Variants in WDFY4 observed in about 807,000 individuals in gnomAD.
WDFY4 encodes the protein WD repeat- and FYVE domain-containing protein 4.
A neutral mutation model predicts 351.9 loss-of-function variants in WDFY4; 169 were observed. The observed-to-expected ratio is 0.48, with a 90% CI of 0.42 to 0.55. The LOEUF is 0.55. WDFY4 is among the 20% of genes least tolerant of loss of function. The pLI, the probability that WDFY4 is intolerant of heterozygous loss-of-function variation, is 0.00. For synonymous variants in WDFY4, 1,622 were observed against 1,574.6 expected (o/e 1.03, Z -0.71); for missense variants, 3,803 against 3,935.6 (o/e 0.97, Z 0.90).
rs1014921132 is a variant in WDFY4 at position 48,969,058 on chromosome 10, G to A, written c.8585-6G>A. 5.8e-6 allele frequency: 9 copies of A among 1,550,960 alleles called. No homozygotes were observed. Among genetic ancestry groups the A allele is most frequent in the African/African-American group, 5.5e-5 (4 of 73,048 alleles). Reference sequence around the variant, plus strand: ...GCATAAGTTCGCCATACTAACTGGGGTGTAGATATGTACCTCTTTTCTCTA... The same window carrying A: ...GCATAAGTTCGCCATACTAACTGGGATGTAGATATGTACCTCTTTTCTCTA... On this transcript the variant is annotated splice_region_variant and splice_polypyrimidine_tract_variant and intron_variant, in intron 55 of 61. Transcript: ENST00000325239.
intron 47 of WDFY4, among the ~76,000 whole-genome samples, chr10:48,922,979 T>C (rs1031234731): frequency 1.3e-5 from 2 of 152,322 alleles, no homozygotes; most frequent in South Asian, 2.1e-4. Flanking sequence ...TACATGAATC[T>C]GTACATCTGT....
At chr10:48,929,348 C>A (rs1393987891) in intron 47 of WDFY4, among the ~76,000 whole-genome samples, 1 of 152,174 alleles carries the variant, frequency 6.6e-6, no homozygotes, top group Non-Finnish European at 1.5e-5. Context: ...CATGGGGTTG[C>A]ACTGGGCTGG....
rs762284465 is a variant in WDFY4 at position 48,867,298 on chromosome 10, A to G, written c.6697A>G (p.Arg2233Gly). 1.3e-6 allele frequency: 2 copies of G among 1,495,984 alleles called. No homozygotes were observed. The highest frequency in any genetic ancestry group is 5.2e-5 in the East Asian group (2 of 38,490). 92.7% of individuals were successfully genotyped at this position (1,495,984 alleles called of 1,614,324 possible). A position where few individuals can be genotyped will look rare whatever the true frequency, so the allele number is the denominator to read the frequency against. ...GTCATGTATAGAGAACTACAGAAGA[A>G]GAGGACAAGAGCTATATGCATCTTT... ...FVSCIENYRRRGQELYASLYK... is the reference protein window; with the variant it reads ...FVSCIENYRRGGQELYASLYK... The change falls in exon 40 of 62, where the codon AGA becomes GGA. Residue 2233 changes from arginine to glycine, a missense_variant. Transcript: ENST00000325239.
chr10:48,928,789 G>A (rs1015694045), intron 47 of WDFY4, among the ~76,000 whole-genome samples: 3 of 152,192 alleles, frequency 2.0e-5, no homozygotes, highest in African/African-American at 7.2e-5. Context: ...ACCTGGGAAG[G>A]TGTGAAATGA....
In WDFY4 at chr10:48,838,968, G is replaced by A. The variant is rs562828136; in HGVS notation, c.6663+6259G>A. Among the ~76,000 whole-genome samples, 18 of 152,294 alleles carry A rather than the reference G, an allele frequency of 1.2e-4. No homozygotes were observed. In the East Asian group the frequency reaches 2.3e-3, roughly 20 times the overall value. On this transcript the variant is annotated intron_variant, in intron 39 of 61. Coordinates refer to ENST00000325239, the MANE Select transcript of WDFY4 (RefSeq NM_001394531.1). ...AGGGTCTTGCTGAGGCTGAGGGCAC[G>A]TTGAGCCTTGGAGAATCCCATGCTG...
intron 23 of WDFY4, among the ~76,000 whole-genome samples, chr10:48,792,549 TTAAAGA>T (rs2066719404): frequency 6.6e-6 from 1 of 152,196 alleles, no homozygotes; most frequent in South Asian, 2.1e-4. Context: ...GAATATGCTG[TTAAAGA>T]TAATAGTAGT....
intron 1 of WDFY4, among the ~76,000 whole-genome samples, chr10:48,700,453 T>C (rs2063447328): frequency 6.6e-6 from 1 of 152,262 alleles, no homozygotes; most frequent in East Asian, 1.9e-4. Context: ...GTGTCCCCTT[T>C]GTTTACAATA....
intron 47 of WDFY4, chr10:48,913,244 C>A: frequency 2.7e-6 from 2 of 752,294 alleles, no homozygotes; most frequent in Non-Finnish European, 4.4e-6. Context: ...AATCACACGC[C>A]GAGAAAGTAA....
intron 2 of WDFY4, among the ~76,000 whole-genome samples, chr10:48,712,280 C>T (rs1325245834): frequency 6.6e-6 from 1 of 152,196 alleles, no homozygotes; most frequent in Non-Finnish European, 1.5e-5. Context: ...TAAGACAAGA[C>T]AATGATTATA....
intron 39 of WDFY4, among the ~76,000 whole-genome samples, chr10:48,838,906 G>C (rs1457923208): frequency 6.6e-6 from 1 of 152,244 alleles, no homozygotes; most frequent in Non-Finnish European, 1.5e-5. Context: ...GGTCTTGCTT[G>C]CTGGCATGTT....
intron 1 of WDFY4, among the ~76,000 whole-genome samples, chr10:48,708,619 A>G (rs1370107759): frequency 2.0e-5 from 3 of 152,218 alleles, no homozygotes; most frequent in Admixed American, 2.0e-4. Flanking sequence ...TAATTGACTG[A>G]CAACTTTTGA....
At chr10:48,790,680 A>G (rs1158339117) in intron 22 of WDFY4, 47 bp from the exon 23 acceptor site, 1 of 1,533,258 alleles carries the variant, frequency 6.5e-7, no homozygotes, top group Non-Finnish European at 8.8e-7. Context: ...TTCCCATTGC[A>G]ATGAAGCTGT....
At position 48,721,194 on chromosome 10, in the gene WDFY4, G is replaced by A. The variant is rs2064076246; in HGVS notation, c.350-67G>A. Reference sequence around the variant, plus strand: ...CAGGCACATCTCCTGGGAAGAGGGGGCCCTGGATGGAGGGGAAGCTGAGTG... The same window carrying A: ...CAGGCACATCTCCTGGGAAGAGGGGACCCTGGATGGAGGGGAAGCTGAGTG... On this transcript the variant is annotated intron_variant, in intron 3 of 61. Coordinates refer to ENST00000325239, the MANE Select transcript of WDFY4 (RefSeq NM_001394531.1). 7 of 1,440,802 alleles carry A rather than the reference G, an allele frequency of 4.9e-6. No individual in the cohort carries two copies. The South Asian group carries it at 8.6e-5, about 18-fold the overall frequency. 89.3% of individuals were successfully genotyped at this position (1,440,802 alleles called of 1,614,324 possible).
chr10:48,812,983 GA>G (rs1298339063), intron 30 of WDFY4, among the ~76,000 whole-genome samples: 2 of 152,130 alleles, frequency 1.3e-5, no homozygotes, highest in Non-Finnish European at 2.9e-5. Context: ...TAGACCCCCA[GA>G]CAGAGGAGAC....
chr10:48,957,090 A>G (rs545293908), intron 51 of WDFY4, 39 bp from the exon 52 acceptor site: 13 of 1,536,636 alleles, frequency 8.5e-6, no homozygotes, highest in Non-Finnish European at 1.1e-5. Context: ...GGAGGGTGCC[A>G]GTGAGAGCGG....
chr10:48,813,547 A>G (rs1292585635), intron 30 of WDFY4, among the ~76,000 whole-genome samples: 1 of 152,226 alleles, frequency 6.6e-6, no homozygotes, highest in Non-Finnish European at 1.5e-5. Context: ...CAGCTATTAA[A>G]AAGGCAGAAT....
intron 1 of WDFY4, among the ~76,000 whole-genome samples, chr10:48,692,873 G>A (rs776373097): frequency 7.9e-5 from 12 of 152,214 alleles, no homozygotes; most frequent in Non-Finnish European, 1.3e-4. Context: ...AGGGGCTGTC[G>A]CCTGCTGGTG....
At position 48,897,514 on chromosome 10, in the gene WDFY4, G is replaced by A. The variant is rs574954675; in HGVS notation, c.7377G>A (p.Ser2459=). ...AAGACAGGTCCACTGACCATTACTC[G>A]TGCCAGTGCCACAGCTACGCTGACA... is the stretch of plus-strand genomic sequence containing the variant. ...CSKDRSTDHY[S]CQCHSYADMR... is the part of the protein sequence containing the mutation. The change falls in exon 45 of 62, where the codon TCG becomes TCA. Residue 2459 remains serine (S), a synonymous_variant. Coordinates refer to ENST00000325239, the MANE Select transcript of WDFY4 (RefSeq NM_001394531.1). 9.8e-4 allele frequency: 1,514 copies of A among 1,551,346 alleles called. 2 individuals are homozygous for A. Among genetic ancestry groups the A allele is most frequent in the Non-Finnish European group, 1.2e-3 (1,365 of 1,147,024 alleles).
intron 39 of WDFY4, among the ~76,000 whole-genome samples, chr10:48,843,661 C>T (rs918340577): frequency 2.0e-5 from 3 of 152,268 alleles, no homozygotes; most frequent in East Asian, 3.9e-4. Context: ...TGGGTTGAAT[C>T]CTTTTGAAAA....
Sources: gnomAD v4.1 joint callset for allele counts (sites outside exome capture counted in the v4.1 genomes callset) on GRCh38, gnomAD v4.1.1 for gene constraint, MANE v1.5 for transcripts, NCBI Gene and HGNC (gene_info 2026-07-23, HGNC 2026-07-21) for gene names.